ZNF257: variants seen among roughly 807,000 people sequenced by gnomAD.
ZNF257 encodes zinc finger protein 257.
Under a neutral mutation model 11.9 loss-of-function variants are expected in ZNF257, and 12 were observed. The ratio of observed to expected loss-of-function variants is 1.01; its 90% CI spans 0.65 to 1.63. The LOEUF is 1.63. Ranked by LOEUF, ZNF257 falls within the 40% of genes most tolerant of loss-of-function variation. The pLI is 0.00. For missense variants in ZNF257, 580 were observed against 665.5 expected, an observed-to-expected ratio of 0.87 and a Z score of 1.41; for synonymous variants, 183 against 222.7, an observed-to-expected ratio of 0.82 and a Z score of 1.59.
At chr19:22,064,608 T>G (rs1005739924) in intron 1 of ZNF257, among the ~76,000 whole-genome samples, 11 of 152,198 alleles carry the variant, frequency 7.2e-5, no homozygotes, top group African/African-American at 2.7e-4. Context: ...TCTAATATTT[T>G]CAGGCTGAAG....
At position 22,073,562 on chromosome 19, in the gene ZNF257, C is replaced by T. The variant is rs2145703799; in HGVS notation, c.224C>T (p.Pro75Leu). The T allele has an allele frequency of 6.2e-7, 1 of 1,609,996 alleles. No homozygotes were observed. The highest frequency in any genetic ancestry group is 8.5e-7 in the Non-Finnish European group (1 of 1,178,318). ...AGACATGAGATGGTAGCCAAACCCCCAGGTAGGTGAGAGTGAAAGCCAGTA... is the reference window on the plus strand; with the variant it reads ...AGACATGAGATGGTAGCCAAACCCCTAGGTAGGTGAGAGTGAAAGCCAGTA... ...MKRHEMVAKPPVMCSHIAEDL... is the reference protein window; with the variant it reads ...MKRHEMVAKPLVMCSHIAEDL... The change falls in exon 3 of 4, where the codon CCA becomes CTA. Residue 75 changes from proline to leucine, a missense_variant and splice_region_variant. By Grantham distance (98) the Pro-to-Leu change is moderately conservative (BLOSUM62 -3). Coordinates refer to ENST00000594947, the MANE Select transcript of ZNF257 (RefSeq NM_033468.4).
At chr19:22,073,604 T>A (rs1478651826) in intron 3 of ZNF257, 40 bp downstream of exon 3, 3 of 1,588,032 alleles carry the variant, frequency 1.9e-6, no homozygotes, top group Non-Finnish European at 2.6e-6. Flanking sequence ...GTGAAACAGA[T>A]GAGAGATCCA....
At position 22,061,644 on chromosome 19, in the gene ZNF257, T is replaced by G. The variant is rs532581435; in HGVS notation, c.3+9009T>G. ...GCCTTTTTTTTTTTTCTCACCTGAT[T>G]GCTGTGGCTAGGACTTCCAATCTAT... On this transcript the variant is annotated intron_variant, in intron 1 of 3. Transcript: ENST00000594947. Among the ~76,000 whole-genome samples, 101 of 152,048 alleles carry G rather than the reference T, an allele frequency of 6.6e-4. 1 individual carries two copies. Among genetic ancestry groups the G allele is most frequent in the African/African-American group, 2.4e-3 (98 of 41,488 alleles).
chr19:22,062,762 G>A (rs7252220), intron 1 of ZNF257, among the ~76,000 whole-genome samples: 19,975 of 152,104 alleles, frequency 0.13, 1,487 homozygotes, highest in Middle Eastern at 0.2. Flanking sequence ...ACAGGTGTGA[G>A]CCTCCACTCC....
At chr19:22,053,399 A>T (rs1400511307) in intron 1 of ZNF257, among the ~76,000 whole-genome samples, 1 of 147,250 alleles carries the variant, frequency 6.8e-6, no homozygotes, top group Non-Finnish European at 1.5e-5. Context: ...AAAAAATTGT[A>T]AAGTACCCAG....
In ZNF257 at chr19:22,088,694, C is replaced by T. The variant is rs765146734; in HGVS notation, c.944C>T (p.Pro315Leu). The T allele has an allele frequency of 1.2e-6, 2 of 1,613,312 alleles. No homozygotes were observed. Among genetic ancestry groups the T allele is most frequent in the South Asian group, 1.1e-5 (1 of 91,056 alleles). ...AAGAGAATTCATACTGGAGAGAAACCCTACAAATGTGAAGAGTGTGGCAAA... is the reference window on the plus strand; with the variant it reads ...AAGAGAATTCATACTGGAGAGAAACTCTACAAATGTGAAGAGTGTGGCAAA... ...QHKRIHTGEK[P>L]YKCEECGKAF... The change falls in exon 4 of 4, where the codon CCC becomes CTC. Residue 315 changes from proline (P) to leucine (L), a missense_variant. Pro to Leu is a moderately conservative substitution (Grantham distance 98). Transcript: ENST00000594947.
At position 22,089,123 on chromosome 19, in the gene ZNF257, C is replaced by T. The variant is rs186838066; in HGVS notation, c.1373C>T (p.Pro458Leu). 1.2e-3 allele frequency: 1,879 copies of T among 1,613,678 alleles called. 3 individuals are homozygous for T. Among genetic ancestry groups the T allele is most frequent in the Non-Finnish European group, 1.4e-3 (1,670 of 1,179,832 alleles). The change falls in exon 4 of 4, where the codon CCC (proline) becomes CTC (leucine). Residue 458 changes from proline to leucine, a missense_variant. Transcript: ENST00000594947. The part of the protein sequence containing the change: ...RHKIIHTGEK[P>L]YKCEECGKAF... The stretch of plus-strand genomic sequence containing the variant: ...AAGATAATTCATACTGGAGAGAAAC[C>T]CTACAAATGTGAAGAGTGTGGCAAA...
rs1476016558 is a variant in ZNF257 at position 22,088,289 on chromosome 19, A to T, written c.539A>T (p.Lys180Ile). The change falls in exon 4 of 4, where the codon AAA becomes ATA. Residue 180 changes from lysine to isoleucine, a missense_variant. By Grantham distance (102) the Lys-to-Ile change is moderately radical. Coordinates refer to ENST00000594947, the MANE Select transcript of ZNF257 (RefSeq NM_033468.4). ...ACTTGCAAATGTAAAGAATGTGGCA[A>T]ATCATTTTGCATGCTTTCACAACTA... Reference protein sequence around the residue: ...KKTCKCKECGKSFCMLSQLTR... With the variant: ...KKTCKCKECGISFCMLSQLTR... The T allele has an allele frequency of 6.2e-7, 1 of 1,613,690 alleles. No homozygotes were observed.
Position 22,083,082 on chromosome 19 carries a change from A to G in ZNF257, c.227-4895A>G, listed in dbSNP as rs937459513. On this transcript the variant is annotated intron_variant, in intron 3 of 3. Coordinates refer to ENST00000594947, the MANE Select transcript of ZNF257 (RefSeq NM_033468.4). ...AGCCACAAAAATTCTCCTAATTTCA[A>G]CATCCTATTTATTTGTGAATCTTCC... 2.8e-4 allele frequency among the ~76,000 whole-genome samples: 43 copies of G among 152,154 alleles called. 1 individual carries two copies. Among genetic ancestry groups the G allele is most frequent in the African/African-American group, 1.0e-3 (42 of 41,384 alleles).
Position 22,069,660 on chromosome 19 carries a change from C to T in ZNF257, c.4-3149C>T, listed in dbSNP as rs145325958. Among the ~76,000 whole-genome samples, 385 of 152,372 alleles carry T rather than the reference C, an allele frequency of 2.5e-3. 2 individuals carry two copies. Among genetic ancestry groups the T allele is most frequent in the African/African-American group, 8.9e-3 (372 of 41,588 alleles). On this transcript the variant is annotated intron_variant, in intron 1 of 3. Transcript: ENST00000594947. ...ACAATATTGTTGTGACTTCTGATGT[C>T]ATCACCTGAAGGGATGTTTATGGAC...
chr19:22,061,628 T>C (rs964936424), intron 1 of ZNF257, among the ~76,000 whole-genome samples: 2 of 152,048 alleles, frequency 1.3e-5, no homozygotes, highest in Admixed American at 1.3e-4. Flanking sequence ...TGCCTTTTTT[T>C]TTTTTCTCAC....
At chr19:22,056,171 C>G (rs532148779) in intron 1 of ZNF257, among the ~76,000 whole-genome samples, 3 of 151,612 alleles carry the variant, frequency 2.0e-5, no homozygotes, top group Non-Finnish European at 2.9e-5. Context: ...TACAAAGGGA[C>G]GGGGGAGCAC....
At chr19:22,067,934 G>C (rs1166984278) in intron 1 of ZNF257, among the ~76,000 whole-genome samples, 1 of 150,396 alleles carries the variant, frequency 6.6e-6, no homozygotes, top group East Asian at 2.0e-4. Flanking sequence ...ATTGCCACAA[G>C]TAGCATCAAT....
Position 22,088,979 on chromosome 19 carries a change from A to G in ZNF257, c.1229A>G (p.Asn410Ser). The G allele has an allele frequency of 6.2e-7, 1 of 1,612,802 alleles. No homozygotes were observed. Among genetic ancestry groups the G allele is most frequent in the South Asian group, 1.1e-5 (1 of 91,016 alleles). Residue 410 changes from asparagine (N) to serine (S), a missense_variant, in exon 4 of 4, where the codon AAC becomes AGC. Asn to Ser is a conservative substitution (Grantham distance 46). Transcript: ENST00000594947. ...TGTGATGAATATTGCAAAGCTTTTA[A>G]CTGGTCCTCAGCTCTTACTACCCTT... ...YKCDEYCKAF[N>S]WSSALTTLTQ...
At chr19:22,052,717 G>C in intron 1 of ZNF257, 82 bp downstream of exon 1, 1 of 1,552,852 alleles carries the variant, frequency 6.4e-7, no homozygotes, top group Admixed American at 1.7e-5. Flanking sequence ...CGGGACTCAG[G>C]CCTCCTTGCA....
chr19:22,059,829 C>G (rs2021746027), intron 1 of ZNF257, among the ~76,000 whole-genome samples: 1 of 151,772 alleles, frequency 6.6e-6, no homozygotes, highest in Non-Finnish European at 1.5e-5. Context: ...CTTAAGCAAT[C>G]CTCCTACCTC....
At position 22,056,903 on chromosome 19, in the gene ZNF257, G is replaced by T. The variant is rs926701165; in HGVS notation, c.3+4268G>T. On this transcript the variant is annotated intron_variant, in intron 1 of 3. Transcript: ENST00000594947. ...AAAAAATCTCTGTATTTTGGCTGTA[G>T]AAAATGAATACATTTCCACAAGAAA... Among the ~76,000 whole-genome samples, 7 of 152,260 alleles carry T rather than the reference G, an allele frequency of 4.6e-5. No homozygotes were observed. In the East Asian group the frequency reaches 1.4e-3, roughly 29 times the overall value.
chr19:22,072,995 T>TTTA lies in ZNF257; in HGVS notation c.130+62_130+63insATT, dbSNP rs202162400. On this transcript the variant is annotated intron_variant, in intron 2 of 3. Coordinates refer to ENST00000594947, the MANE Select transcript of ZNF257 (RefSeq NM_033468.4). ...CTCCAAAGGCTTTATTTTTTATTTATTTTTTTTTTTGTAGAATGTTTTTTG... is the reference window on the plus strand; with the variant it reads ...CTCCAAAGGCTTTATTTTTTATTTATTTATTTTTTTTTTGTAGAATGTTTTTTG... 4.6e-6 allele frequency: 4 copies of TTTA among 871,262 alleles called. No individual in the cohort carries two copies. The African/African-American group carries it at 1.2e-4, about 26-fold the overall frequency. 54.0% of individuals were successfully genotyped at this position (871,262 alleles called of 1,614,324 possible).
chr19:22,072,614 G>T (rs2022129479), intron 1 of ZNF257, among the ~76,000 whole-genome samples, 195 bp from the exon 2 acceptor site: 2 of 152,060 alleles, frequency 1.3e-5, no homozygotes, highest in Non-Finnish European at 2.9e-5. Context: ...GTGTATGGGG[G>T]TGTGTTTTTT....
Sources: allele counts gnomAD v4.1 joint callset (sites outside exome capture counted in the v4.1 genomes callset), GRCh38; gene constraint gnomAD v4.1.1; transcripts MANE v1.5; gene names NCBI Gene and HGNC (gene_info 2026-07-23, HGNC 2026-07-21).